RXFP2: variants seen among roughly 807,000 people sequenced by gnomAD.
RXFP2 encodes the protein relaxin family peptide receptor 2.
RXFP2 carries 68 observed loss-of-function variants against 88.6 expected under a neutral mutation model. The ratio of observed to expected loss-of-function variants is 0.77; its 90% CI spans 0.63 to 0.94. The LOEUF (loss-of-function observed/expected upper bound fraction) is 0.94. RXFP2 is among the 40% of genes least tolerant of loss of function. RXFP2 has a pLI of 0.00. For missense variants in RXFP2, 791 were observed against 893.9 expected (o/e 0.88, Z 1.47); for synonymous variants, 329 against 306.8 (o/e 1.07, Z -0.76).
intron 5 of RXFP2, 58 bp downstream of exon 5, chr13:31,766,085 G>A: frequency 1.2e-6 from 1 of 846,874 alleles, no homozygotes; most frequent in Admixed American, 1.9e-5. Flanking sequence ...GGTGTAAGAT[G>A]TTTTTGATCT....
intron 1 of RXFP2, among the ~76,000 whole-genome samples, chr13:31,745,333 C>T (rs1221105578): frequency 6.6e-6 from 1 of 152,188 alleles, no homozygotes; most frequent in East Asian, 1.9e-4. Context: ...CAGGTCTGAA[C>T]TGTCGCATCT....
At chr13:31,781,821 T>G in intron 10 of RXFP2, 79 bp downstream of exon 10, 1 of 1,151,530 alleles carries the variant, frequency 8.7e-7, no homozygotes, top group South Asian at 1.3e-5. Flanking sequence ...TGACAAAAAA[T>G]TTTAAAGTAG....
intron 1 of RXFP2, among the ~76,000 whole-genome samples, chr13:31,753,539 A>G (rs1407632618): frequency 6.6e-6 from 1 of 152,176 alleles, no homozygotes; most frequent in Non-Finnish European, 1.5e-5. Context: ...ATAATCCCCA[A>G]GCTTCAGTAA....
intron 11 of RXFP2, among the ~76,000 whole-genome samples, chr13:31,783,175 A>G (rs531145299): frequency 1.3e-5 from 2 of 152,362 alleles, no homozygotes; most frequent in African/African-American, 4.8e-5. Flanking sequence ...TCCTTGAGAA[A>G]TTATGACTTA....
At chr13:31,782,581 T>A in intron 10 of RXFP2, 95 bp from the exon 11 acceptor site, 1 of 910,638 alleles carries the variant, frequency 1.1e-6, no homozygotes, top group Non-Finnish European at 1.8e-6. Context: ...AAAGGAGGCT[T>A]ATAAAATTCT....
At chr13:31,762,249 G>A (rs9532480) in intron 3 of RXFP2, among the ~76,000 whole-genome samples, 25,894 of 152,172 alleles carry the variant, frequency 0.17, 2,181 homozygotes, top group Middle Eastern at 0.23. Flanking sequence ...AGGGAATGGG[G>A]AAGCCCATTG....
chr13:31,753,693 G>A (rs527710514), intron 1 of RXFP2, among the ~76,000 whole-genome samples: 3 of 152,308 alleles, frequency 2.0e-5, no homozygotes, highest in African/African-American at 7.2e-5. Flanking sequence ...TAATGACAGA[G>A]TGGAATGATA....
At chr13:31,740,812 A>T (rs185238444) in intron 1 of RXFP2, among the ~76,000 whole-genome samples, 1 of 152,208 alleles carries the variant, frequency 6.6e-6, no homozygotes, top group African/African-American at 2.4e-5. Context: ...GCTAAGGATT[A>T]ACTAAGAAGA....
At chr13:31,761,240 C>T (rs558192444) in intron 2 of RXFP2, among the ~76,000 whole-genome samples, 30 of 152,144 alleles carry the variant, frequency 2.0e-4, no homozygotes, top group Middle Eastern at 3.4e-3. Context: ...AGACGAGTGC[C>T]GCTGCACCCA....
At chr13:31,782,511 C>T (rs1332039321) in intron 10 of RXFP2, among the ~76,000 whole-genome samples, 165 bp from the exon 11 acceptor site, 2 of 152,154 alleles carry the variant, frequency 1.3e-5, no homozygotes, top group Non-Finnish European at 2.9e-5. Context: ...ATGGGGATGT[C>T]CACGGTGAAA....
At chr13:31,788,830 C>A (rs937455261) in intron 13 of RXFP2, among the ~76,000 whole-genome samples, 1 of 152,176 alleles carries the variant, frequency 6.6e-6, no homozygotes, top group African/African-American at 2.4e-5. Flanking sequence ...AATCAAACTA[C>A]AGAGCCAATT....
intron 9 of RXFP2, among the ~76,000 whole-genome samples, chr13:31,779,865 A>C (rs536153550): frequency 2.0e-5 from 3 of 152,270 alleles, no homozygotes; most frequent in South Asian, 2.1e-4. Context: ...TATTTATTTA[A>C]ATATATGCTG....
intron 13 of RXFP2, among the ~76,000 whole-genome samples, chr13:31,788,832 G>A (rs1873666755): frequency 6.6e-6 from 1 of 152,032 alleles, no homozygotes; most frequent in Non-Finnish European, 1.5e-5. Flanking sequence ...TCAAACTACA[G>A]AGCCAATTTC....
intron 11 of RXFP2, among the ~76,000 whole-genome samples, chr13:31,785,185 C>T (rs769483965): frequency 5.9e-5 from 9 of 152,064 alleles, no homozygotes; most frequent in South Asian, 2.1e-4. Flanking sequence ...GGGATGTGCT[C>T]TTTTTATAAG....
chr13:31,744,199 C>G (rs1415618165), intron 1 of RXFP2, among the ~76,000 whole-genome samples: 1 of 152,180 alleles, frequency 6.6e-6, no homozygotes, highest in African/African-American at 2.4e-5. Flanking sequence ...TACTTCAATA[C>G]TGGTGTGCTC....
At chr13:31,764,458 C>G (rs1280177241) in intron 3 of RXFP2, among the ~76,000 whole-genome samples, 1 of 152,172 alleles carries the variant, frequency 6.6e-6, no homozygotes, top group Non-Finnish European at 1.5e-5. Flanking sequence ...AGCTTTGCAG[C>G]TTTTTACCTT....
Position 31,759,430 on chromosome 13 carries a change from A to C in RXFP2, c.241+1026A>C, listed in dbSNP as rs1317847496. On this transcript the variant is annotated intron_variant, in intron 2 of 17. Coordinates refer to ENST00000298386, the MANE Select transcript of RXFP2 (RefSeq NM_130806.5). ...GAAAGAAAGAAAGAAAGAAAGAAAG[A>C]AAGAAAGAAAGAAAGATACTGTGAA... Among the ~76,000 whole-genome samples, 11 of 143,150 alleles carry C rather than the reference A, an allele frequency of 7.7e-5. No homozygotes were observed. In the East Asian group the frequency reaches 2.2e-3, roughly 29 times the overall value. The allele number at this position is 143,150 out of a possible 152,430, so 93.9% of individuals were successfully genotyped here.
intron 5 of RXFP2, among the ~76,000 whole-genome samples, chr13:31,766,393 A>T (rs767601707): frequency 5.9e-5 from 9 of 152,210 alleles, no homozygotes; most frequent in Non-Finnish European, 1.0e-4. Context: ...GAACAATCAG[A>T]TCATTTCAGA....
At chr13:31,773,621 AG>A (rs1183607003) in intron 5 of RXFP2, among the ~76,000 whole-genome samples, 2 of 152,060 alleles carry the variant, frequency 1.3e-5, no homozygotes, top group African/African-American at 4.8e-5. Context: ...GGCTCTCTTC[AG>A]GTCTGAAAGA....
Sources: allele counts gnomAD v4.1 joint callset (sites outside exome capture counted in the v4.1 genomes callset), GRCh38; gene constraint gnomAD v4.1.1; transcripts MANE v1.5; gene names NCBI Gene and HGNC (gene_info 2026-07-23, HGNC 2026-07-21).